Variants in KANK1 observed in about 807,000 individuals in gnomAD.
The protein encoded by KANK1 is KN motif and ankyrin repeat domain-containing protein 1.
Under a neutral mutation model 106.2 loss-of-function variants are expected in KANK1, and 109 were observed. The ratio of observed to expected loss-of-function variants is 1.03; its 90% confidence interval spans 0.88 to 1.20. The LOEUF is 1.20. KANK1 is among the 50% of genes most tolerant of loss of function. KANK1 has a pLI of 0.00. For synonymous variants in KANK1, 873 were observed against 652.2 expected (o/e 1.34, Z -5.16); for missense variants, 2,399 against 1,710.7 (o/e 1.40, Z -7.10).
chr9:638,661 C>T (rs895570345), intron 1 of KANK1, among the ~76,000 whole-genome samples: 3 of 152,184 alleles, frequency 2.0e-5, no homozygotes, highest in Non-Finnish European at 2.9e-5. Flanking sequence ...AGTTTCCATT[C>T]TTTTGAGATA....
intron 1 of KANK1, among the ~76,000 whole-genome samples, chr9:567,811 TAG>T (rs1818180009): frequency 6.6e-6 from 1 of 152,176 alleles, no homozygotes; most frequent in Non-Finnish European, 1.5e-5. Flanking sequence ...TTATCAGAAT[TAG>T]AGTCTCTCAT....
intron 1 of KANK1, among the ~76,000 whole-genome samples, chr9:671,620 A>AAAAAAAAAAAAAAAAAG (rs1311382469): frequency 1.6e-5 from 1 of 62,182 alleles, no homozygotes; most frequent in African/African-American, 1.3e-4. Flanking sequence ...CGTCTCAAAA[A>AAAAAAAAAAAAAAAAAG]AAAAAAAGAG....
chr9:482,446 C>T (rs2058222059), intron 3 of KANK1, among the ~76,000 whole-genome samples: 1 of 152,158 alleles, frequency 6.6e-6, no homozygotes, highest in South Asian at 2.1e-4. Context: ...CTGTGCTGAG[C>T]CCAGGGCATG....
At chr9:515,184 A>C (rs2059224260) in intron 1 of KANK1, among the ~76,000 whole-genome samples, 1 of 151,526 alleles carries the variant, frequency 6.6e-6, no homozygotes, top group Non-Finnish European at 1.5e-5. Flanking sequence ...TCTACTAAAA[A>C]AATACAAAAG....
intron 1 of KANK1, among the ~76,000 whole-genome samples, chr9:671,511 G>GTCTGTGCCTGTAGTCCCAGCT (rs1491475182): frequency 1.4e-5 from 2 of 146,158 alleles, no homozygotes; most frequent in Non-Finnish European, 3.0e-5. Context: ...GGACGTGGTG[G>GTCTGTGCCTGTAGTCCCAGCT]AGGCTGAGGC....
At chr9:543,683 C>A (rs1047089901) in intron 1 of KANK1, among the ~76,000 whole-genome samples, 2 of 152,094 alleles carry the variant, frequency 1.3e-5, no homozygotes, top group African/African-American at 2.4e-5. Context: ...AGAAAATGAC[C>A]ATTGTGCATT....
intron 4 of KANK1, 23 bp downstream of exon 4, chr9:730,271 A>G (rs1206928658): frequency 2.5e-6 from 4 of 1,611,528 alleles, no homozygotes; most frequent in South Asian, 1.1e-5. Flanking sequence ...ACTCACAGTC[A>G]TTGGCATCAG....
At chr9:631,082 T>C (rs954514666) in intron 1 of KANK1, among the ~76,000 whole-genome samples, 4 of 152,170 alleles carry the variant, frequency 2.6e-5, no homozygotes, top group Non-Finnish European at 4.4e-5. Context: ...CTAGGAGTGA[T>C]ATGTGTCTTT....
intron 3 of KANK1, among the ~76,000 whole-genome samples, chr9:473,631 A>C (rs1451691588): frequency 6.6e-6 from 1 of 152,210 alleles, no homozygotes; most frequent in Admixed American, 6.5e-5. Context: ...ATCATCCCCC[A>C]ACAAACCACA....
At chr9:730,908 A>T (rs771877180) in intron 4 of KANK1, 1 of 294,142 alleles carries the variant, frequency 3.4e-6, no homozygotes, top group Non-Finnish European at 6.4e-6. Flanking sequence ...TACAAATGTC[A>T]GTTTTCACTG....
intron 1 of KANK1, among the ~76,000 whole-genome samples, chr9:561,355 G>A (rs1243192698): frequency 6.6e-6 from 1 of 152,034 alleles, no homozygotes; most frequent in Admixed American, 6.5e-5. Context: ...TATTTGATAT[G>A]TTCATATGAT....
At chr9:498,846 C>G (rs973627332) in intron 3 of KANK1, among the ~76,000 whole-genome samples, 17 of 152,152 alleles carry the variant, frequency 1.1e-4, no homozygotes, top group Non-Finnish European at 2.9e-5. Context: ...AAGTGTATAG[C>G]TACTTTGGAA....
intron 1 of KANK1, among the ~76,000 whole-genome samples, chr9:616,047 C>T (rs779709769): frequency 1.3e-5 from 2 of 152,146 alleles, no homozygotes; most frequent in Non-Finnish European, 2.9e-5. Flanking sequence ...TCTTCTGTAT[C>T]CGTCCTACCA....
intron 8 of KANK1, among the ~76,000 whole-genome samples, chr9:740,475 T>TATTCTCAAGAGCAACCAGTAGAAC (rs1835124968): frequency 6.6e-6 from 1 of 152,212 alleles, no homozygotes; most frequent in Non-Finnish European, 1.5e-5. Flanking sequence ...AAAAATCGTT[T>TATTCTCAAGAGCAACCAGTAGAAC]ATTCTCAAGA....
chr9:723,493 C>T (rs1239715834), intron 3 of KANK1, among the ~76,000 whole-genome samples: 1 of 145,326 alleles, frequency 6.9e-6, no homozygotes, highest in African/African-American at 2.8e-5. Flanking sequence ...ATCACAAGCA[C>T]CTGGGTCCTG....
chr9:655,239 C>G (rs1041163380), intron 1 of KANK1, among the ~76,000 whole-genome samples: 1 of 151,926 alleles, frequency 6.6e-6, no homozygotes, highest in Non-Finnish European at 1.5e-5. Context: ...GGCATGATGG[C>G]ACACGCTTGT....
intron 1 of KANK1, among the ~76,000 whole-genome samples, chr9:537,779 A>C (rs749488259): frequency 6.6e-6 from 1 of 152,360 alleles, no homozygotes; most frequent in Non-Finnish European, 1.5e-5. Context: ...TCTAGGGAGT[A>C]GAGGCCAGAG....
intron 1 of KANK1, among the ~76,000 whole-genome samples, chr9:510,244 G>T (rs12335637): frequency 0.12 from 18,048 of 152,070 alleles, 1,922 homozygotes; most frequent in African/African-American, 0.28. Context: ...AACCTTTGTG[G>T]CAATTTCATT....
chr9:744,566 A>C lies in KANK1; in HGVS notation c.3973A>C (p.Asn1325His). The change falls in exon 11 of 12, where the codon AAC becomes CAC. Residue 1325 changes from asparagine to histidine, a missense_variant. Asn to His is a moderately conservative substitution (Grantham distance 68). Transcript: ENST00000382297. Reference protein sequence around the residue: ...DIAVLLYAHVNFAKAQSPGTP... With the variant: ...DIAVLLYAHVHFAKAQSPGTP... ...CGCTGTTCTTCTGTATGCCCATGTCAACTTTGCAAAAGCCCAGTCTCCGGT... is the reference window on the plus strand; with the variant it reads ...CGCTGTTCTTCTGTATGCCCATGTCCACTTTGCAAAAGCCCAGTCTCCGGT... The C allele has an allele frequency of 6.2e-7, 1 of 1,614,154 alleles. No individual in the cohort carries two copies. The highest frequency in any genetic ancestry group is 8.5e-7 in the Non-Finnish European group (1 of 1,180,032).
Sources: gnomAD v4.1 joint callset for allele counts (sites outside exome capture counted in the v4.1 genomes callset) on GRCh38, gnomAD v4.1.1 for gene constraint, MANE v1.5 for transcripts, NCBI Gene and HGNC (gene_info 2026-07-23, HGNC 2026-07-21) for gene names.